Variants in FRMPD4 observed in about 807,000 individuals in gnomAD.
FRMPD4 encodes the protein FERM and PDZ domain-containing protein 4.
In FRMPD4, 22 loss-of-function variants were observed where a neutral mutation model predicts 94.1. The observed-to-expected ratio is 0.23, with a 90% CI of 0.17 to 0.33. The LOEUF is 0.33. Among genes scored for constraint, FRMPD4 ranks in the 10% least tolerant of loss-of-function variants. The pLI is 1.00. For missense variants in FRMPD4, 1,111 were observed against 1,339.9 expected (o/e 0.83, Z 2.67); for synonymous variants, 631 against 548.6 (o/e 1.15, Z -2.10).
At chrX:12,157,352 C>CT (rs938803998) in intron 1 of FRMPD4, among the ~76,000 whole-genome samples, 71 of 111,291 alleles carry the variant, frequency 6.4e-4, no homozygotes, top group East Asian at 1.4e-3. Context: ...AACATCACTT[C>CT]TTTTTTTTCC....
chrX:11,952,777 T>C (rs1031860521), intron 3 of FRMPD4, among the ~76,000 whole-genome samples: 1 of 111,895 alleles, frequency 8.9e-6, no homozygotes, highest in Non-Finnish European at 1.9e-5. Context: ...GGTTTGGGAC[T>C]TTTGGGCCAA....
chrX:12,126,223 C>T (rs1411277102), intron 3 of FRMPD4, among the ~76,000 whole-genome samples: 1 of 111,997 alleles, frequency 8.9e-6, no homozygotes, highest in Non-Finnish European at 1.9e-5. Context: ...GCCAGTGACA[C>T]AGCAGGAAAC....
intron 3 of FRMPD4, among the ~76,000 whole-genome samples, chrX:12,034,649 T>C (rs987727596): frequency 8.9e-6 from 1 of 111,942 alleles, no homozygotes; most frequent in African/African-American, 3.2e-5. Flanking sequence ...GTTTCCAGTC[T>C]TTTCGGTTTT....
At chrX:12,025,880 G>A (rs141421294) in intron 3 of FRMPD4, among the ~76,000 whole-genome samples, 181 of 112,104 alleles carry the variant, frequency 1.6e-3, no homozygotes, top group African/African-American at 5.6e-3. Flanking sequence ...GAAACCCTGA[G>A]CCAGAGAGGG....
chrX:12,417,082 G>C (rs2056812264), intron 1 of FRMPD4, among the ~76,000 whole-genome samples: 1 of 110,910 alleles, frequency 9.0e-6, no homozygotes, highest in South Asian at 3.9e-4. Flanking sequence ...GTGTTCTATA[G>C]CATGAGTGCA....
intron 1 of FRMPD4, among the ~76,000 whole-genome samples, chrX:12,143,345 A>G (rs770048128): frequency 8.9e-6 from 1 of 112,783 alleles, no homozygotes; most frequent in Admixed American, 9.3e-5. Flanking sequence ...CAAAAATATC[A>G]AAAAAAGAAT....
chrX:11,996,441 C>T (rs574871660), intron 3 of FRMPD4, among the ~76,000 whole-genome samples: 13 of 112,060 alleles, frequency 1.2e-4, no homozygotes, highest in Middle Eastern at 4.6e-3. Flanking sequence ...GAAGATTCTC[C>T]GGGTAAGATA....
At chrX:12,105,359 T>G (rs1302066592) in intron 3 of FRMPD4, among the ~76,000 whole-genome samples, 3 of 112,551 alleles carry the variant, frequency 2.7e-5, no homozygotes, top group Non-Finnish European at 3.8e-5. Context: ...TATTAATCTT[T>G]CCATTAAGCC....
At chrX:12,606,061 A>AG (rs2059129888) in intron 2 of FRMPD4, among the ~76,000 whole-genome samples, 1 of 112,645 alleles carries the variant, frequency 8.9e-6, no homozygotes, top group Non-Finnish European at 1.9e-5. Flanking sequence ...TAAGTAAACT[A>AG]GCATATGGAA....
chrX:12,715,264 T>C (rs926610630), intron 14 of FRMPD4, among the ~76,000 whole-genome samples: 2 of 112,435 alleles, frequency 1.8e-5, no homozygotes, highest in Non-Finnish European at 3.8e-5. Flanking sequence ...ATTGGGGTTT[T>C]GTAATTTTAA....
intron 4 of FRMPD4, among the ~76,000 whole-genome samples, chrX:12,627,036 G>T (rs1433569627): frequency 9.0e-6 from 1 of 111,495 alleles, no homozygotes; most frequent in Non-Finnish European, 1.9e-5. Context: ...AGCACTTTGG[G>T]AGGCCAAGGC....
intron 5 of FRMPD4, among the ~76,000 whole-genome samples, chrX:12,675,400 A>T (rs1305396938): frequency 3.0e-5 from 3 of 99,589 alleles, no homozygotes; most frequent in African/African-American, 1.2e-4. Flanking sequence ...AAAGTGATTT[A>T]AAAACTGGAC....
intron 1 of FRMPD4, among the ~76,000 whole-genome samples, chrX:12,147,004 A>G (rs918390778): frequency 1.8e-5 from 2 of 112,405 alleles, no homozygotes; most frequent in South Asian, 3.7e-4. Context: ...ATACCATTCT[A>G]CCCTCATTCC....
intron 14 of FRMPD4, 50 bp from the exon 15 acceptor site, chrX:12,716,019 C>CA: frequency 2.0e-5 from 9 of 449,304 alleles, no homozygotes; most frequent in South Asian, 8.9e-5. Context: ...CCGCCCCACC[C>CA]AAAACCAGAC....
chrX:12,351,586 A>G (rs945414841), intron 1 of FRMPD4, among the ~76,000 whole-genome samples: 1 of 112,682 alleles, frequency 8.9e-6, no homozygotes, highest in African/African-American at 3.2e-5. Flanking sequence ...GTAAGCACAC[A>G]CTTGCTTGCA....
At chrX:12,624,481 CCT>C (rs1399704255) in intron 4 of FRMPD4, among the ~76,000 whole-genome samples, 1 of 110,826 alleles carries the variant, frequency 9.0e-6, no homozygotes, top group African/African-American at 3.3e-5. Flanking sequence ...TTTATGTAGG[CCT>C]CATGGTAACC....
intron 2 of FRMPD4, among the ~76,000 whole-genome samples, chrX:12,533,569 G>A (rs982803026): frequency 1.3e-4 from 15 of 111,997 alleles, no homozygotes; most frequent in Admixed American, 1.3e-3. Context: ...TGCTGATAAT[G>A]ATATGGACAG....
At chrX:11,877,184 T>G (rs1277709564) in intron 2 of FRMPD4, among the ~76,000 whole-genome samples, 5 of 112,440 alleles carry the variant, frequency 4.4e-5, no homozygotes, top group Non-Finnish European at 9.4e-5. Context: ...TTTAAATTAC[T>G]GGATAGGATC....
rs1171799513 is a variant in FRMPD4 at position 12,621,968 on chromosome X, GAGAAAGAAAGAA to G, written c.422+7126_422+7137del. Among the ~76,000 whole-genome samples, 393 of 41,046 alleles carry G rather than the reference GAGAAAGAAAGAA, an allele frequency of 9.6e-3. 9 individuals are homozygous for G. Among genetic ancestry groups the G allele is most frequent in the African/African-American group, 0.018 (168 of 9,382 alleles). 35.6% of individuals were successfully genotyped at this position (41,046 alleles called of 115,157 possible). On this transcript the variant is annotated intron_variant, in intron 4 of 16. Coordinates refer to ENST00000675598, the MANE Select transcript of FRMPD4 (RefSeq NM_001368397.1). ...AGAGAGAGAGAGAGAAAGAAAGAAA[GAGAAAGAAAGAA>G]AGAAAGAAAGAAAGAAAGAAAGAAA...
Sources: gnomAD v4.1 joint callset for allele counts (sites outside exome capture counted in the v4.1 genomes callset) on GRCh38, gnomAD v4.1.1 for gene constraint, MANE v1.5 for transcripts, NCBI Gene and HGNC (gene_info 2026-07-23, HGNC 2026-07-21) for gene names.